KCP: variants seen among roughly 807,000 people sequenced by gnomAD.
The protein encoded by KCP is kielin/chordin-like protein.
Under a neutral mutation model 212.7 loss-of-function variants are expected in KCP, and 194 were observed. The observed-to-expected ratio is 0.91, with a 90% confidence interval of 0.81 to 1.03. The LOEUF (loss-of-function observed/expected upper bound fraction) is 1.03. Ranked by LOEUF, KCP falls within the 50% of genes least tolerant of loss-of-function variation. The pLI, the probability that KCP is intolerant of heterozygous loss-of-function variation, is 0.00. For missense variants in KCP, 2,080 were observed against 2,162.5 expected, an observed-to-expected ratio of 0.96 and a Z score of 0.76; for synonymous variants, 833 against 865.3, an observed-to-expected ratio of 0.96 and a Z score of 0.65.
chr7:128,892,813 T>G lies in KCP; in HGVS notation c.1421-19A>C, dbSNP rs896669169. The stretch of plus-strand genomic sequence containing the variant: ...CAGGCACCTGGGTGGGGCAGGCTGG[T>G]CAGGGTGAGCTGGGTAATGCAGGGG... On this transcript the variant is annotated intron_variant, in intron 14 of 39. Coordinates refer to ENST00000610776, the MANE Select transcript of KCP (RefSeq NM_001366122.1). The G allele has an allele frequency of 2.6e-6, 4 of 1,551,488 alleles. No homozygotes were observed. Among genetic ancestry groups the G allele is most frequent in the East Asian group, 2.4e-5 (1 of 40,902 alleles).
rs571789943 is a variant in KCP, at chr7:128,893,844, G to C, written c.1061C>G (p.Pro354Arg). ...LPCPPVPCRH[P>R]GKIPGQCCPV... ...GCAGCACTGCCCAGGGATCTTGCCTGGGTGTCTGCAGGGCACTGGCGGGCA... is the reference window on the plus strand; with the variant it reads ...GCAGCACTGCCCAGGGATCTTGCCTCGGTGTCTGCAGGGCACTGGCGGGCA... The change falls in exon 11 of 40, where the codon CCA (proline) becomes CGA (arginine). Residue 354 changes from proline (P) to arginine (R), a missense_variant. Transcript: ENST00000610776. 8 of 1,551,334 alleles carry C rather than the reference G, an allele frequency of 5.2e-6. No individual in the cohort carries two copies. In the African/African-American group the frequency reaches 1.1e-4, roughly 21 times the overall value.
At chr7:128,909,076 C>T (rs1393542626) in intron 1 of KCP, among the ~76,000 whole-genome samples, 2 of 152,208 alleles carry the variant, frequency 1.3e-5, no homozygotes, top group East Asian at 3.9e-4. Flanking sequence ...CCAGTGAAGA[C>T]AGCCTGTCCC....
intron 7 of KCP, 70 bp from the exon 8 acceptor site, chr7:128,902,929 G>A (rs11975930): frequency 0.2 from 238,671 of 1,178,282 alleles, 30,066 homozygotes; most frequent in East Asian, 0.52. Flanking sequence ...CAGCCTGCCC[G>A]CCTTCCTTGT....
intron 37 of KCP, 39 bp downstream of exon 37, chr7:128,879,483 C>A: frequency 6.6e-7 from 1 of 1,521,998 alleles, no homozygotes; most frequent in South Asian, 1.2e-5. Flanking sequence ...ACTGAAGCTC[C>A]CAGCAGGCAG....
chr7:128,907,534 G>T, intron 2 of KCP, 81 bp from the exon 3 acceptor site: 1 of 1,019,366 alleles, frequency 9.8e-7, no homozygotes, highest in Non-Finnish European at 1.3e-6. Context: ...GTGAAAATGA[G>T]GCAGGATGAG....
chr7:128,891,006 C>A lies in KCP; in HGVS notation c.2063G>T (p.Arg688Leu). Residue 688 changes from arginine to leucine, a missense_variant, in exon 20 of 40, where the codon CGC (arginine) becomes CTC (leucine). Arg to Leu is a moderately radical substitution (Grantham distance 102). Transcript: ENST00000610776. ...YFSPPGDPCR[R>L]CLCLDGSVSC... ...CACGGAGCCGTCGAGGCAGAGGCAG[C>A]GGCGGCAGGGATCGCCGGGCGGGGA... 2 of 1,343,694 alleles carry A rather than the reference C, an allele frequency of 1.5e-6. No homozygotes were observed. The highest frequency in any genetic ancestry group is 9.5e-7 in the Non-Finnish European group (1 of 1,053,538). The allele number at this position is 1,343,694 out of a possible 1,614,324, so 83.2% of individuals were successfully genotyped here.
rs551693748 is a variant in KCP at position 128,893,314 on chromosome 7, G to A, written c.1191C>T (p.Gly397=). The stretch of plus-strand genomic sequence containing the variant: ...ACTCCTGCTCCTCACAGGAGACCTC[G>A]CCAGCCTAGGAGGGAAGCAGGTGAG... ...GLCVRCSCQA[G]EVSCEEQECP... is the part of the protein sequence containing the mutation. The change falls in exon 13 of 40, where the codon GGC becomes GGT. Residue 397 remains glycine (G), a synonymous_variant. Coordinates refer to ENST00000610776, the MANE Select transcript of KCP (RefSeq NM_001366122.1). 11 of 1,551,532 alleles carry A rather than the reference G, an allele frequency of 7.1e-6. No homozygotes were observed. Among genetic ancestry groups the A allele is most frequent in the African/African-American group, 6.8e-5 (5 of 73,158 alleles).
chr7:128,879,404 C>T, intron 37 of KCP, 118 bp downstream of exon 37: 1 of 803,512 alleles, frequency 1.2e-6, no homozygotes, highest in Non-Finnish European at 2.0e-6. Context: ...GTACCCCACT[C>T]CTTGCCTTTT....
In KCP at chr7:128,886,566, G is replaced by A; in HGVS notation, c.2773-9C>T. ...CAGCTGACCTGGCCAGCCTGTAGGA[G>A]ATGCAGGGACACTGGCTCGCTGCCT... On this transcript the variant is annotated splice_polypyrimidine_tract_variant and intron_variant, in intron 25 of 39. Coordinates refer to ENST00000610776, the MANE Select transcript of KCP (RefSeq NM_001366122.1). 6.4e-7 allele frequency: 1 copy of A among 1,551,098 alleles called. No individual in the cohort carries two copies. The highest frequency in any genetic ancestry group is 8.7e-7 in the Non-Finnish European group (1 of 1,146,658).
In KCP at chr7:128,886,546, G is replaced by T. The variant is rs1232887943; in HGVS notation, c.2784C>A (p.Val928=). 3 of 1,551,012 alleles carry T rather than the reference G, an allele frequency of 1.9e-6. No homozygotes were observed. Among genetic ancestry groups the T allele is most frequent in the Non-Finnish European group, 2.6e-6 (3 of 1,146,796 alleles). The change falls in exon 26 of 40, where the codon GTC becomes GTA. Residue 928 remains valine (V), a synonymous_variant. Transcript: ENST00000610776. ...CEWCRCQAGQ[V]SCVRLQCPPL... is the part of the protein sequence containing the mutation. Reference sequence around the variant, plus strand: ...GTGGGCACTGCAGCCGCACACAGCTGACCTGGCCAGCCTGTAGGAGATGCA... The same window carrying T: ...GTGGGCACTGCAGCCGCACACAGCTTACCTGGCCAGCCTGTAGGAGATGCA...
At chr7:128,884,903 T>A in intron 27 of KCP, 40 bp from the exon 28 acceptor site, 1 of 1,540,132 alleles carries the variant, frequency 6.5e-7, no homozygotes, top group Non-Finnish European at 8.8e-7. Flanking sequence ...CCAGGGGTCC[T>A]TCAGGCTGGC....
In KCP at chr7:128,881,931, G is replaced by T. The variant is rs2128944705; in HGVS notation, c.3324+6C>A. The T allele has an allele frequency of 6.4e-7, 1 of 1,550,910 alleles. No homozygotes were observed. The highest frequency in any genetic ancestry group is 8.7e-7 in the Non-Finnish European group (1 of 1,146,660). On this transcript the variant is annotated splice_donor_region_variant and intron_variant, in intron 30 of 39. Transcript: ENST00000610776. ...CTCTGTGAGTCCCCAAGGCAGGAGG[G>T]CTCACCTGGCACTGGCACGTGTAGC...
chr7:128,892,743 G>T lies in KCP; in HGVS notation c.1472C>A (p.Ala491Asp). The change falls in exon 15 of 40, where the codon GCC (alanine) becomes GAC (aspartate). Residue 491 changes from alanine (A) to aspartate (D), a missense_variant. By Grantham distance (126) the Ala-to-Asp change is moderately radical (BLOSUM62 -2). Coordinates refer to ENST00000610776, the MANE Select transcript of KCP (RefSeq NM_001366122.1). ...TGCATCCGTGAAGTTCTGCCCATTG[G>T]CATACACTTGGCTGTGGTAGGTGCA... ...DSCTYHSQVY[A>D]NGQNFTDADS... The T allele has an allele frequency of 1.3e-6, 2 of 1,551,774 alleles. No individual in the cohort carries two copies. The highest frequency in any genetic ancestry group is 1.7e-6 in the Non-Finnish European group (2 of 1,146,976).
Position 128,881,713 on chromosome 7 carries a change from G to A in KCP, c.3337C>T (p.Leu1113Phe), listed in dbSNP as rs1330989258. ...YTCQCQDLTW[L>F]CIHQACPELS... The stretch of plus-strand genomic sequence containing the variant: ...TCAGGACAAGCCTGGTGGATGCAGA[G>A]CCATGTCAGGTCCTGCCCATGTGAA... The change falls in exon 31 of 40, where the codon CTC (leucine) becomes TTC (phenylalanine). Residue 1113 changes from leucine to phenylalanine, a missense_variant. Leu to Phe is a conservative substitution (Grantham distance 22). Coordinates refer to ENST00000610776, the MANE Select transcript of KCP (RefSeq NM_001366122.1). 4.6e-6 allele frequency: 7 copies of A among 1,533,038 alleles called. No homozygotes were observed. Among genetic ancestry groups the A allele is most frequent in the Non-Finnish European group, 6.1e-6 (7 of 1,142,388 alleles). 95.0% of individuals were successfully genotyped at this position (1,533,038 alleles called of 1,614,324 possible).
chr7:128,887,310 C>A lies in KCP; in HGVS notation c.2513-10G>T. ...CCATGGTAGCGGCATCCTGGCAGAG[C>A]GGGGAGTCCAACAGAAGAGCTGCCA... On this transcript the variant is annotated splice_polypyrimidine_tract_variant and intron_variant, in intron 22 of 39. Transcript: ENST00000610776. 1 of 1,549,710 alleles carries A rather than the reference C, an allele frequency of 6.5e-7. No individual in the cohort carries two copies. Among genetic ancestry groups the A allele is most frequent in the Non-Finnish European group, 8.7e-7 (1 of 1,145,846 alleles).
At position 128,893,224 on chromosome 7, in the gene KCP, C is replaced by G; in HGVS notation, c.1267+14G>C. ...AGCGCCCATAGCAGCTGCTCCTCCC[C>G]CTCTCACACACACCTGGGCAGAGCT... On this transcript the variant is annotated intron_variant, in intron 13 of 39. Coordinates refer to ENST00000610776, the MANE Select transcript of KCP (RefSeq NM_001366122.1). 1 of 1,550,424 alleles carries G rather than the reference C, an allele frequency of 6.4e-7. No individual in the cohort carries two copies. The highest frequency in any genetic ancestry group is 8.7e-7 in the Non-Finnish European group (1 of 1,146,688).
At chr7:128,901,936 A>T (rs1188400157) in intron 8 of KCP, among the ~76,000 whole-genome samples, 1 of 152,110 alleles carries the variant, frequency 6.6e-6, no homozygotes, top group Non-Finnish European at 1.5e-5. Flanking sequence ...CCCTGCTCAA[A>T]TCCTACTTAC....
intron 5 of KCP, chr7:128,904,501 C>T: frequency 6.6e-6 from 5 of 754,938 alleles, no homozygotes; most frequent in Non-Finnish European, 6.5e-6. Flanking sequence ...AGCTGGCTTA[C>T]TCTGCAGGCC....
Position 128,885,217 on chromosome 7 carries a change from C to T in KCP, c.2920G>A (p.Asp974Asn), listed in dbSNP as rs764797153. ...HPEGSRWVPP[D>N]SACSSCVCHE... is the part of the protein sequence containing the mutation. ...CACACACAGGAGGAGCAGGCACTGT[C>T]GGGGGGCACCCATCTACTGCCTTCG... Residue 974 changes from aspartate (D) to asparagine (N), a missense_variant, in exon 27 of 40, where the codon GAC becomes AAC. Physicochemically the swap from Asp to Asn is conservative, Grantham distance 23 (BLOSUM62 1). Coordinates refer to ENST00000610776, the MANE Select transcript of KCP (RefSeq NM_001366122.1). The T allele has an allele frequency of 1.6e-5, 25 of 1,550,612 alleles. No homozygotes were observed. Among genetic ancestry groups the T allele is most frequent in the Middle Eastern group, 1.7e-4 (1 of 5,988 alleles).
Sources: gnomAD v4.1 joint callset for allele counts (sites outside exome capture counted in the v4.1 genomes callset) on GRCh38, gnomAD v4.1.1 for gene constraint, MANE v1.5 for transcripts, NCBI Gene and HGNC (gene_info 2026-07-23, HGNC 2026-07-21) for gene names.